Variants in SNX6 observed in about 807,000 individuals in gnomAD.
The protein encoded by SNX6 is sorting nexin 6.
SNX6 carries 34 observed loss-of-function variants against 63.0 expected under a neutral mutation model. The ratio of observed to expected loss-of-function variants is 0.54; its 90% confidence interval spans 0.41 to 0.72. The LOEUF (loss-of-function observed/expected upper bound fraction) is 0.72, where lower values mean the gene tolerates loss of function less well. Ranked by LOEUF, SNX6 falls within the 30% of genes least tolerant of loss-of-function variation. The pLI is 0.00. For missense variants in SNX6, 398 were observed against 471.4 expected (o/e 0.84, Z 1.44); for synonymous variants, 170 against 164.2 (o/e 1.04, Z -0.27).
intron 2 of SNX6, 155 bp downstream of exon 2, chr14:34,629,752 G>C (rs1883968470): frequency 1.6e-6 from 2 of 1,230,010 alleles, no homozygotes; most frequent in African/African-American, 1.5e-5. Context: ...GAAGGGCTGC[G>C]GGAGGGTGGG....
intron 9 of SNX6, among the ~76,000 whole-genome samples, chr14:34,582,896 T>C (rs1364494976): frequency 1.3e-5 from 2 of 151,926 alleles, no homozygotes; most frequent in Non-Finnish European, 2.9e-5. Flanking sequence ...AGCAGCTCAC[T>C]TGAGGCCAGG....
At chr14:34,621,222 T>C (rs755539091) in intron 2 of SNX6, among the ~76,000 whole-genome samples, 22 of 152,100 alleles carry the variant, frequency 1.4e-4, no homozygotes, top group Non-Finnish European at 2.4e-4. Context: ...GCTAGGATTA[T>C]AGACATGAGC....
At chr14:34,627,855 A>C (rs1253307810) in intron 2 of SNX6, among the ~76,000 whole-genome samples, 1 of 152,112 alleles carries the variant, frequency 6.6e-6, no homozygotes, top group Non-Finnish European at 1.5e-5. Context: ...TTCCTGCCTT[A>C]AACAATCCTC....
chr14:34,563,298 C>G, intron 13 of SNX6, 123 bp from the exon 14 acceptor site: 1 of 854,214 alleles, frequency 1.2e-6, no homozygotes, highest in Non-Finnish European at 1.8e-6. Context: ...GTGGCTCATG[C>G]CTGTAATCCC....
At chr14:34,608,202 T>G in intron 3 of SNX6, 62 bp from the exon 4 acceptor site, 1 of 895,074 alleles carries the variant, frequency 1.1e-6, no homozygotes. Context: ...TTTTTGAAAC[T>G]GGGTCTTGCT....
chr14:34,568,038 A>C (rs763149034), intron 11 of SNX6, 25 bp from the exon 12 acceptor site: 18 of 1,602,402 alleles, frequency 1.1e-5, no homozygotes, highest in Non-Finnish European at 1.5e-5. Flanking sequence ...GCTTCACAAT[A>C]GTATATATAC....
chr14:34,591,324 A>C (rs1882383781), intron 8 of SNX6, among the ~76,000 whole-genome samples: 1 of 152,200 alleles, frequency 6.6e-6, no homozygotes, highest in Non-Finnish European at 1.5e-5. Flanking sequence ...TTTAGAAAAC[A>C]TTGGTCCAAT....
At chr14:34,572,976 C>T (rs574947185) in intron 11 of SNX6, among the ~76,000 whole-genome samples, 420 of 152,014 alleles carry the variant, frequency 2.8e-3, no homozygotes, top group African/African-American at 9.7e-3. Flanking sequence ...GCCACCGCAC[C>T]TGGCCTCGTG....
chr14:34,600,635 T>A (rs1047291359), intron 6 of SNX6, among the ~76,000 whole-genome samples: 2 of 152,148 alleles, frequency 1.3e-5, no homozygotes, highest in Non-Finnish European at 1.5e-5. Flanking sequence ...ATTTATTTTC[T>A]GCAAAAATTA....
At position 34,567,454 on chromosome 14, in the gene SNX6, C is replaced by T. The variant is rs145391207; in HGVS notation, c.1167+232G>A. On this transcript the variant is annotated intron_variant, in intron 13 of 13. Coordinates refer to ENST00000362031, the MANE Select transcript of SNX6 (RefSeq NM_152233.4). ...GTGAACTGAGATCATTGCCACTGCA[C>T]TCCAGCCTGGGCAATAGCGCCAGAC... 7.9e-5 allele frequency among the ~76,000 whole-genome samples: 12 copies of T among 152,242 alleles called. No homozygotes were observed. In the East Asian group the frequency reaches 9.6e-4, roughly 12 times the overall value.
At chr14:34,629,984 G>A (rs1225955395) in intron 1 of SNX6, 30 bp from the exon 2 acceptor site, 2 of 1,528,800 alleles carry the variant, frequency 1.3e-6, no homozygotes, top group Admixed American at 2.3e-5. Context: ...GGCGCGCCGG[G>A]GAAAAGGATG....
In SNX6 at chr14:34,563,743, CTTTT is replaced by C. The variant is rs1178311002; in HGVS notation, c.1168-572_1168-569del. On this transcript the variant is annotated intron_variant, in intron 13 of 13. Transcript: ENST00000362031. ...CCAGATTCTTCAGTAAATTTTTTTT[CTTTT>C]TTTTTTTCTGAGATGGAGTATCACT... Among the ~76,000 whole-genome samples, 3 of 135,390 alleles carry C rather than the reference CTTTT, an allele frequency of 2.2e-5. No individual in the cohort carries two copies. The South Asian group carries it at 7.0e-4, about 32-fold the overall frequency. 88.8% of individuals were successfully genotyped at this position (135,390 alleles called of 152,430 possible). A position where few individuals can be genotyped will look rare whatever the true frequency, so the allele number is the denominator to read the frequency against.
intron 9 of SNX6, among the ~76,000 whole-genome samples, chr14:34,584,346 G>C (rs1342971528): frequency 6.6e-6 from 1 of 150,956 alleles, no homozygotes; most frequent in African/African-American, 2.4e-5. Flanking sequence ...CTGTCGCCCA[G>C]GCTGGGGTGC....
chr14:34,624,665 G>A (rs1402350007), intron 2 of SNX6, among the ~76,000 whole-genome samples: 2 of 151,518 alleles, frequency 1.3e-5, no homozygotes, highest in African/African-American at 2.4e-5. Flanking sequence ...GCGTGGTGGC[G>A]TGCACCTGTA....
Position 34,608,292 on chromosome 14 carries a change from C to G in SNX6, c.160-152G>C, listed in dbSNP as rs964729306. The G allele has an allele frequency of 1.0e-5, 5 of 498,668 alleles. No homozygotes were observed. In the Admixed American group the frequency reaches 1.7e-4, roughly 17 times the overall value. The allele number at this position is 498,668 out of a possible 1,614,324, so 30.9% of individuals were successfully genotyped here. ...TCCCAGGCTCAAGCAATCCTCCCAC[C>G]TCAGCCTCCGAGTAGCTGGGACTAC... is the stretch of plus-strand genomic sequence containing the variant. On this transcript the variant is annotated intron_variant, in intron 3 of 13. Transcript: ENST00000362031.
At chr14:34,602,052 G>T (rs1184986636) in intron 6 of SNX6, among the ~76,000 whole-genome samples, 1 of 128,272 alleles carries the variant, frequency 7.8e-6, no homozygotes, top group Non-Finnish European at 1.8e-5. Flanking sequence ...CACTTTGGGA[G>T]GCTGAGGCAG....
intron 2 of SNX6, among the ~76,000 whole-genome samples, chr14:34,625,045 A>G (rs1164875872): frequency 6.6e-6 from 1 of 151,934 alleles, no homozygotes. Context: ...CCTCCCGAGT[A>G]GGTGGGATTA....
chr14:34,621,662 C>G (rs1883624109), intron 2 of SNX6, among the ~76,000 whole-genome samples: 1 of 152,170 alleles, frequency 6.6e-6, no homozygotes. Flanking sequence ...ATGACCTAAC[C>G]TCTAACCCTG....
At chr14:34,592,169 TGAGGTCAG>T (rs1203712970) in intron 8 of SNX6, among the ~76,000 whole-genome samples, 1 of 152,010 alleles carries the variant, frequency 6.6e-6, no homozygotes, top group African/African-American at 2.4e-5. Context: ...GGGTGGATCA[TGAGGTCAG>T]GAGTTCAAGA....
Sources: gnomAD v4.1 joint callset for allele counts (sites outside exome capture counted in the v4.1 genomes callset) on GRCh38, gnomAD v4.1.1 for gene constraint, MANE v1.5 for transcripts, NCBI Gene and HGNC (gene_info 2026-07-23, HGNC 2026-07-21) for gene names.